Variants in SH2D6 observed in about 807,000 individuals in gnomAD.
SH2D6 encodes the protein SH2 domain-containing protein 6.
A neutral mutation model predicts 30.2 loss-of-function variants in SH2D6; 31 were observed. That is an observed-to-expected ratio of 1.03 (90% CI 0.77 to 1.38). The LOEUF is 1.38. Among genes scored for constraint, SH2D6 ranks in the 40% most tolerant of loss-of-function variants. SH2D6 has a pLI of 0.00. For synonymous variants in SH2D6, 93 were observed against 104.6 expected (o/e 0.89, Z 0.68); for missense variants, 240 against 266.8 (o/e 0.90, Z 0.70).
chr2:85,422,935 T>C (rs1481904353), intron 5 of SH2D6, among the ~76,000 whole-genome samples: 1 of 152,274 alleles, frequency 6.6e-6, no homozygotes, highest in Non-Finnish European at 1.5e-5. Flanking sequence ...TCACCCAGGC[T>C]GGAGTGCAAT....
At chr2:85,424,435 G>T (rs1247736398) in intron 5 of SH2D6, among the ~76,000 whole-genome samples, 4 of 151,972 alleles carry the variant, frequency 2.6e-5, no homozygotes, top group African/African-American at 9.7e-5. Context: ...TATCTATATT[G>T]ATGGATTTTT....
intron 19 of SH2D6, 122 bp downstream of exon 19, chr2:85,434,619 A>T: frequency 1.1e-6 from 1 of 905,004 alleles, no homozygotes; most frequent in Non-Finnish European, 1.5e-6. Context: ...ACTAGACTTA[A>T]AAAAAAAAAA....
chr2:85,434,307 C>A, intron 17 of SH2D6, 33 bp from the exon 18 acceptor site: 4 of 1,534,902 alleles, frequency 2.6e-6, no homozygotes, highest in Non-Finnish European at 3.5e-6. Flanking sequence ...ACATAAAGAC[C>A]CTGAGTTCTG....
In SH2D6 at chr2:85,430,228, A is replaced by G. The variant is rs1364022818; in HGVS notation, c.65-136A>G. The G allele has an allele frequency of 6.5e-6, 1 of 152,818 alleles. No homozygotes were observed. The highest frequency in any genetic ancestry group is 1.5e-5 in the Non-Finnish European group (1 of 68,298). The allele number at this position is 152,818 out of a possible 1,614,324, so 9.5% of individuals were successfully genotyped here. On this transcript the variant is annotated intron_variant, in intron 10 of 23. Coordinates refer to ENST00000469800, the MANE Select transcript of SH2D6 (RefSeq NM_001394463.1). The surrounding 1 kb of genome is among the most constrained non-coding windows in gnomAD (Gnocchi z 4.3). Reference sequence around the variant, plus strand: ...AGGGCCCCTTGTTTCCAGACTGCCTACCTCAGTGGCCCCGTGGCAGCATTG... The same window carrying G: ...AGGGCCCCTTGTTTCCAGACTGCCTGCCTCAGTGGCCCCGTGGCAGCATTG...
At chr2:85,432,414 T>TTTTG (rs1558760903) in intron 14 of SH2D6, among the ~76,000 whole-genome samples, 16 of 150,636 alleles carry the variant, frequency 1.1e-4, no homozygotes, top group Non-Finnish European at 8.9e-5. Flanking sequence ...GTTTTGTTTT[T>TTTTG]TTTTTGAGAC....
At chr2:85,428,727 C>A (rs1573218547) in intron 7 of SH2D6, 30 bp downstream of exon 7, 1 of 152,170 alleles carries the variant, frequency 6.6e-6, no homozygotes, top group East Asian at 1.9e-4. Flanking sequence ...GTTGCTTAAG[C>A]CACACAGTTC....
At chr2:85,425,853 G>A (rs942941332) in intron 6 of SH2D6, among the ~76,000 whole-genome samples, 14 of 152,112 alleles carry the variant, frequency 9.2e-5, no homozygotes, top group African/African-American at 3.1e-4. Flanking sequence ...CCCTCCCAGG[G>A]TGCATTTTTC....
intron 16 of SH2D6, 137 bp downstream of exon 16, chr2:85,433,768 A>T: frequency 5.8e-6 from 4 of 693,044 alleles, no homozygotes; most frequent in Non-Finnish European, 8.6e-6. Context: ...GCCTTCAGTC[A>T]CCGCATGGAC....
At chr2:85,436,731 GAGGC>G (rs1689507462) in intron 23 of SH2D6, 102 bp from the exon 24 acceptor site, 2 of 677,704 alleles carry the variant, frequency 3.0e-6, no homozygotes, top group Non-Finnish European at 5.2e-6. Flanking sequence ...AGCCTGCCTG[GAGGC>G]CCAGGGAAGG....
chr2:85,419,694 A>G (rs1687675099), intron 2 of SH2D6, among the ~76,000 whole-genome samples: 1 of 152,260 alleles, frequency 6.6e-6, no homozygotes, highest in South Asian at 2.1e-4. Context: ...TCATCAAGGA[A>G]GGAGGAAAAT....
chr2:85,421,203 CCGCTCCCG>C (rs1687737529), intron 2 of SH2D6, among the ~76,000 whole-genome samples: 1 of 152,120 alleles, frequency 6.6e-6, no homozygotes, highest in Non-Finnish European at 1.5e-5. Context: ...CAGACGCCGG[CCGCTCCCG>C]CTAAGGAAGG....
intron 2 of SH2D6, 60 bp from the exon 3 acceptor site, chr2:85,422,143 A>G (rs1687771664): frequency 6.6e-6 from 1 of 151,930 alleles, no homozygotes; most frequent in African/African-American, 2.4e-5. Flanking sequence ...ATACATATAG[A>G]AGAGTCCTTT....
At chr2:85,429,663 AC>A (rs1214499456) in intron 9 of SH2D6, 51 bp downstream of exon 9, 1 of 151,298 alleles carries the variant, frequency 6.6e-6, no homozygotes, top group Admixed American at 6.6e-5. Flanking sequence ...GTCTCTCTCT[AC>A]CCCTCCTCTC....
At chr2:85,434,981 C>A in intron 19 of SH2D6, 84 bp from the exon 20 acceptor site, 1 of 1,563,118 alleles carries the variant, frequency 6.4e-7, no homozygotes, top group Non-Finnish European at 8.7e-7. Flanking sequence ...TACCCCCCAC[C>A]CCCGCAGCTG....
intron 6 of SH2D6, among the ~76,000 whole-genome samples, chr2:85,426,047 C>T (rs752190806): frequency 1.3e-5 from 2 of 152,104 alleles, no homozygotes; most frequent in African/African-American, 4.8e-5. Flanking sequence ...GGCAGATGTC[C>T]CCTTCTGTTC....
intron 14 of SH2D6, among the ~76,000 whole-genome samples, chr2:85,432,601 C>T (rs964626955): frequency 7.4e-4 from 113 of 152,110 alleles, no homozygotes; most frequent in Non-Finnish European, 9.9e-4. Flanking sequence ...GGGGTTTCAC[C>T]GTGTTAGCCA....
At chr2:85,425,257 CTTTTTTTTTTTT>C (rs56321596) in intron 5 of SH2D6, 39 bp from the exon 6 acceptor site, 1 of 96,160 alleles carries the variant, frequency 1.0e-5, no homozygotes, top group Admixed American at 1.1e-4. Flanking sequence ...TTCTTTCTTT[CTTTTTTTTTTTT>C]TTTTTTTTTT....
intron 20 of SH2D6, 62 bp downstream of exon 20, chr2:85,435,185 T>A (rs1049353994): frequency 1.3e-6 from 2 of 1,530,986 alleles, no homozygotes; most frequent in Non-Finnish European, 1.8e-6. Flanking sequence ...TGAGAGTCCT[T>A]ACCCAGGAAC....
At chr2:85,427,270 T>A (rs1206872881) in intron 6 of SH2D6, among the ~76,000 whole-genome samples, 1 of 152,116 alleles carries the variant, frequency 6.6e-6, no homozygotes, top group Non-Finnish European at 1.5e-5. Context: ...AAAATGTGAG[T>A]TTCTAGTAAG....
Sources: gnomAD v4.1 joint callset for allele counts (sites outside exome capture counted in the v4.1 genomes callset) on GRCh38, gnomAD v4.1.1 for gene constraint, Gnocchi (gnomAD v3.1) non-coding constraint, MANE v1.5 for transcripts, NCBI Gene and HGNC (gene_info 2026-07-23, HGNC 2026-07-21) for gene names.